NBPF4: variants seen among roughly 807,000 people sequenced by gnomAD.
The protein encoded by NBPF4 is NBPF member 4.
A neutral mutation model predicts 21.1 loss-of-function variants in NBPF4; 11 were observed. That is an observed-to-expected ratio of 0.52 (90% confidence interval 0.33 to 0.86). The LOEUF (loss-of-function observed/expected upper bound fraction) is 0.86. NBPF4 is among the 40% of genes least tolerant of loss of function. The pLI is 0.03. For synonymous variants in NBPF4, 47 were observed against 106.4 expected, an observed-to-expected ratio of 0.44 and a Z score of 3.43; for missense variants, 88 against 265.3, an observed-to-expected ratio of 0.33 and a Z score of 4.64.
the NBPF4 span, among the ~76,000 whole-genome samples, chr1:108,256,484 TTTTCTC>T: frequency 7.9e-6 from 1 of 125,850 alleles, no homozygotes; most frequent in Non-Finnish European, 1.7e-5. Flanking sequence ...CTTCCTTCCT[TTTTCTC>T]TTTCTTTCTT....
At chr1:108,268,620 G>T in the NBPF4 span, among the ~76,000 whole-genome samples, 3,171 of 144,426 alleles carry the variant, frequency 0.022, 13 homozygotes, top group Middle Eastern at 0.043. Flanking sequence ...CTTTTCAATT[G>T]TCTATTGATT....
chr1:108,252,720 G>T, the NBPF4 span, among the ~76,000 whole-genome samples: 2 of 137,340 alleles, frequency 1.5e-5, no homozygotes, highest in Non-Finnish European at 3.1e-5. Context: ...GCTGTTGTAT[G>T]CATTTTCACA....
chr1:108,229,577 C>A (rs1240297339), intron 12 of NBPF4, among the ~76,000 whole-genome samples: 12 of 145,724 alleles, frequency 8.2e-5, no homozygotes, highest in Admixed American at 8.2e-4. Flanking sequence ...TGAGAAAGAA[C>A]CACGAAAAAG....
chr1:108,228,738 G>T (rs1487482656), intron 13 of NBPF4, among the ~76,000 whole-genome samples, 182 bp downstream of exon 13: 2 of 148,570 alleles, frequency 1.3e-5, no homozygotes, highest in Admixed American at 6.7e-5. Flanking sequence ...GGCAAACCCA[G>T]GTCCTGAGAG....
chr1:108,226,212 G>A (rs924592209), intron 14 of NBPF4, among the ~76,000 whole-genome samples: 3 of 150,666 alleles, frequency 2.0e-5, no homozygotes, highest in African/African-American at 7.4e-5. Context: ...ATGATTAAGA[G>A]TTGAATTAGT....
the NBPF4 span, among the ~76,000 whole-genome samples, chr1:108,254,107 T>A: frequency 9.2e-6 from 1 of 108,384 alleles, no homozygotes; most frequent in African/African-American, 3.6e-5. Flanking sequence ...GGAGTTTTGC[T>A]CTTGTTGCCC....
the NBPF4 span, among the ~76,000 whole-genome samples, chr1:108,265,971 G>A: frequency 1.2e-5 from 1 of 86,076 alleles, no homozygotes; most frequent in Non-Finnish European, 2.1e-5. Context: ...CAGCACACCA[G>A]CATGGCACAT....
chr1:108,226,684 C>G lies in NBPF4; in HGVS notation c.1870G>C (p.Ala624Pro). ...TCAGCCATAGATGTGATTACCTCTG[C>G]GCTCTCAGCATGCGGGCCAGCGAAT... ...FRFAGPHAES[A>P]EIPNTAGRTQ... Residue 624 changes from alanine to proline, a missense_variant, in exon 14 of 15, where the codon GCA (alanine) becomes CCA (proline). Transcript: ENST00000415641. 2.2e-6 allele frequency: 3 copies of G among 1,341,730 alleles called. 1 individual carries two copies. In the South Asian group the frequency reaches 4.8e-5, roughly 21 times the overall value. 83.1% of individuals were successfully genotyped at this position (1,341,730 alleles called of 1,614,324 possible).
chr1:108,259,372 A>G, the NBPF4 span, among the ~76,000 whole-genome samples: 1 of 143,446 alleles, frequency 7.0e-6, no homozygotes, highest in South Asian at 2.2e-4. Context: ...ATGTTTATCT[A>G]TAAAGTCTAG....
chr1:108,266,046 AT>A, the NBPF4 span, among the ~76,000 whole-genome samples: 7,987 of 109,742 alleles, frequency 0.073, 281 homozygotes, highest in Middle Eastern at 0.1. Flanking sequence ...TATAATAATA[AT>A]TTAAAAAAAA....
chr1:108,267,381 CAAAG>C, the NBPF4 span, among the ~76,000 whole-genome samples: 2 of 114,498 alleles, frequency 1.7e-5, no homozygotes, highest in Non-Finnish European at 3.6e-5. Context: ...GCAAGAAAAA[CAAAG>C]AGAGAGAAGA....
the NBPF4 span, among the ~76,000 whole-genome samples, chr1:108,268,610 C>T: frequency 6.6e-6 from 1 of 151,570 alleles, no homozygotes; most frequent in Non-Finnish European, 1.5e-5. Context: ...GAAAGACTTA[C>T]TTTTCAATTG....
At chr1:108,257,788 G>A in the NBPF4 span, among the ~76,000 whole-genome samples, 1 of 77,796 alleles carries the variant, frequency 1.3e-5, no homozygotes, top group Non-Finnish European at 2.3e-5. Flanking sequence ...TTTTTTTTGA[G>A]ACAGAGCCTC....
At chr1:108,266,116 C>T in the NBPF4 span, among the ~76,000 whole-genome samples, 3 of 140,214 alleles carry the variant, frequency 2.1e-5, no homozygotes, top group African/African-American at 8.4e-5. Context: ...ATGAAAAACC[C>T]TTCAAAAAAT....
Position 108,223,109 on chromosome 1 carries a change from A to C in NBPF4, c.*596T>G, listed in dbSNP as rs566561640. 6.6e-6 allele frequency among the ~76,000 whole-genome samples: 1 copy of C among 152,206 alleles called. No individual in the cohort carries two copies. Among genetic ancestry groups the C allele is most frequent in the African/African-American group, 2.4e-5 (1 of 41,472 alleles). On this transcript the variant is annotated 3_prime_UTR_variant, in exon 15 of 15. Transcript: ENST00000415641. Reference sequence around the variant, plus strand: ...CAAACAAGTCCATGTCACCACCATCAATGACAACAACAAAAAGATGAGGAG... The same window carrying C: ...CAAACAAGTCCATGTCACCACCATCCATGACAACAACAAAAAGATGAGGAG...
Position 108,222,607 on chromosome 1 carries a change from T to C in NBPF4, c.*1098A>G. 6.6e-6 allele frequency among the ~76,000 whole-genome samples: 1 copy of C among 152,202 alleles called. No individual in the cohort carries two copies. Among genetic ancestry groups the C allele is most frequent in the Admixed American group, 6.5e-5 (1 of 15,276 alleles). On this transcript the variant is annotated 3_prime_UTR_variant, in exon 15 of 15. Coordinates refer to ENST00000415641, the MANE Select transcript of NBPF4 (RefSeq NM_001143989.3). ...GAATGCCAGCAAAAAGAAATTAAAA[T>C]TAATTTTGGATGAAAGTTAAAATTT...
chr1:108,256,637 T>G, the NBPF4 span, among the ~76,000 whole-genome samples: 1 of 105,974 alleles, frequency 9.4e-6, no homozygotes, highest in African/African-American at 3.9e-5. Flanking sequence ...TTTCCTTCCT[T>G]CCCAGGGTCT....
chr1:108,264,321 T>C, the NBPF4 span, among the ~76,000 whole-genome samples: 1 of 137,454 alleles, frequency 7.3e-6, no homozygotes, highest in South Asian at 2.3e-4. Context: ...TAAATGGATC[T>C]ATTCAACAGG....
the NBPF4 span, among the ~76,000 whole-genome samples, chr1:108,265,124 AT>A: frequency 6.6e-6 from 1 of 152,030 alleles, no homozygotes; most frequent in Admixed American, 6.6e-5. Context: ...ATGGGAGAAA[AT>A]TTTTGCAACC....
Sources: allele counts gnomAD v4.1 joint callset (sites outside exome capture counted in the v4.1 genomes callset), GRCh38; gene constraint gnomAD v4.1.1; transcripts MANE v1.5; gene names NCBI Gene and HGNC (gene_info 2026-07-23, HGNC 2026-07-21).